ZNF28: variants seen among roughly 807,000 people sequenced by gnomAD.
ZNF28 encodes zinc finger protein 28.
Under a neutral mutation model 7.2 loss-of-function variants are expected in ZNF28, and 5 were observed. The observed-to-expected ratio is 0.70, with a 90% CI of 0.36 to 1.46. The LOEUF is 1.46. Ranked by LOEUF, ZNF28 falls within the 40% of genes most tolerant of loss-of-function variation. The pLI is 0.03. For synonymous variants in ZNF28, 288 were observed against 292.4 expected (o/e 0.99, Z 0.15); for missense variants, 879 against 866.6 (o/e 1.01, Z -0.18).
In ZNF28 at chr19:52,799,405, A is replaced by C; in HGVS notation, c.*283T>G. 2 of 648,428 alleles carry C rather than the reference A, an allele frequency of 3.1e-6. No individual in the cohort carries two copies. The highest frequency in any genetic ancestry group is 2.7e-6 in the Non-Finnish European group (1 of 367,624). 40.2% of individuals were successfully genotyped at this position (648,428 alleles called of 1,614,324 possible). ...TTATGTGTTTCAAGGTTTGATTTGC[A>C]ACCGAAAACTTTGTCACATTCTTCC... On this transcript the variant is annotated 3_prime_UTR_variant, in exon 4 of 4. Transcript: ENST00000457749.
At chr19:52,806,856 C>A (rs1483793019) in intron 3 of ZNF28, among the ~76,000 whole-genome samples, 1 of 151,960 alleles carries the variant, frequency 6.6e-6, no homozygotes, top group Non-Finnish European at 1.5e-5. Context: ...TAGCCAAGAT[C>A]GTACCAGTGC....
chr19:52,809,837 C>CGGTGGCGGT (rs1005891924), intron 2 of ZNF28: 169 of 554,008 alleles, frequency 3.1e-4, no homozygotes, highest in African/African-American at 9.3e-4. Flanking sequence ...GCGGCGGCGG[C>CGGTGGCGGT]GGTGGCGGTG....
At position 52,800,694 on chromosome 19, in the gene ZNF28, T is replaced by C; in HGVS notation, c.1151A>G (p.Glu384Gly). The C allele has an allele frequency of 6.2e-7, 1 of 1,613,940 alleles. No homozygotes were observed. Among genetic ancestry groups the C allele is most frequent in the Non-Finnish European group, 8.5e-7 (1 of 1,179,976 alleles). The change falls in exon 4 of 4, where the codon GAA becomes GGA. Residue 384 changes from glutamate (E) to glycine (G), a missense_variant. Glu to Gly is a moderately conservative substitution (Grantham distance 98, BLOSUM62 -2). Coordinates refer to ENST00000457749, the MANE Select transcript of ZNF28 (RefSeq NM_006969.5). The stretch of plus-strand genomic sequence containing the variant: ...GAAAACTTTTTCACATTCTTCACAT[T>C]CATAAGGTTTCTCTCCAGTATGAAG... ...RRLHTGEKPY[E>G]CEECEKVFSR...
intron 2 of ZNF28, among the ~76,000 whole-genome samples, chr19:52,811,101 C>T (rs1471518473): frequency 4.0e-5 from 6 of 149,656 alleles, no homozygotes; most frequent in Admixed American, 2.0e-4. Flanking sequence ...GCTGTGTTGG[C>T]TGGGCTGGTC....
intron 1 of ZNF28, among the ~76,000 whole-genome samples, chr19:52,818,941 A>G (rs2063161647): frequency 7.1e-6 from 1 of 141,480 alleles, no homozygotes; most frequent in Admixed American, 7.2e-5. Flanking sequence ...AGATAAGAAG[A>G]CTTGAGTAAT....
At position 52,800,853 on chromosome 19, in the gene ZNF28, A is replaced by G. The variant is rs774703613; in HGVS notation, c.992T>C (p.Val331Ala). 1.2e-6 allele frequency: 2 copies of G among 1,613,726 alleles called. No homozygotes were observed. The highest frequency in any genetic ancestry group is 1.3e-5 in the African/African-American group (1 of 74,834). Residue 331 changes from valine (V) to alanine (A), a missense_variant, in exon 4 of 4, where the codon GTT becomes GCT. Coordinates refer to ENST00000457749, the MANE Select transcript of ZNF28 (RefSeq NM_006969.5). The part of the protein sequence containing the change: ...YTGGKPYKCK[V>A]CDKAFTCNSY... ...ATTACATGTGAAAGCTTTGTCACAA[A>G]CCTTACATTTGTATGGTTTCCCTCC... is the stretch of plus-strand genomic sequence containing the variant.
At chr19:52,806,578 T>G (rs2062939594) in intron 3 of ZNF28, among the ~76,000 whole-genome samples, 1 of 127,006 alleles carries the variant, frequency 7.9e-6, no homozygotes, top group South Asian at 3.1e-4. Context: ...TGCCCAAATA[T>G]CTAAAGAACT....
chr19:52,811,391 C>T (rs2063035776), intron 2 of ZNF28, among the ~76,000 whole-genome samples: 1 of 146,484 alleles, frequency 6.8e-6, no homozygotes, highest in African/African-American at 2.7e-5. Context: ...CCTGGCTGCC[C>T]AGTCTGGAAA....
At position 52,799,019 on chromosome 19, in the gene ZNF28, T is replaced by C; in HGVS notation, c.*669A>G. The C allele has an allele frequency of 2.7e-6, 2 of 747,054 alleles. No individual in the cohort carries two copies. Among genetic ancestry groups the C allele is most frequent in the Middle Eastern group, 5.5e-4 (2 of 3,620 alleles). The allele number at this position is 747,054 out of a possible 1,614,324, so 46.3% of individuals were successfully genotyped here. ...AGCCTTGTTACAAACCTTACATTTG[T>C]ATGTTTTTTCTCCAGTATGAATTCT... is the stretch of plus-strand genomic sequence containing the variant. On this transcript the variant is annotated 3_prime_UTR_variant, in exon 4 of 4. Coordinates refer to ENST00000457749, the MANE Select transcript of ZNF28 (RefSeq NM_006969.5).
At chr19:52,809,951 C>G in intron 2 of ZNF28, 2 of 824,290 alleles carry the variant, frequency 2.4e-6, no homozygotes, top group South Asian at 1.4e-5. Flanking sequence ...CCCCGGGGGG[C>G]GCAGGGGACG....
In ZNF28 at chr19:52,815,688, G is replaced by T. The variant is rs962961470; in HGVS notation, c.15+2256C>A. Among the ~76,000 whole-genome samples the T allele has an allele frequency of 3.4e-5, 5 of 145,404 alleles. 1 individual carries two copies. Among genetic ancestry groups the T allele is most frequent in the African/African-American group, 1.3e-4 (5 of 37,120 alleles). On this transcript the variant is annotated intron_variant, in intron 2 of 3. Transcript: ENST00000457749. ...AAATACAAAAAAATTAGCTGGGTGT[G>T]GTGGCAGGTGCCTGTGGTCCCAGCT...
intron 2 of ZNF28, among the ~76,000 whole-genome samples, chr19:52,811,161 C>A (rs28584987): frequency 2.0e-5 from 3 of 150,536 alleles, no homozygotes; most frequent in Non-Finnish European, 4.5e-5. Context: ...CCCGAGGTGC[C>A]GGGATTGCAG....
intron 1 of ZNF28, among the ~76,000 whole-genome samples, chr19:52,820,053 C>G (rs1005893169): frequency 6.9e-6 from 1 of 143,924 alleles, no homozygotes; most frequent in Non-Finnish European, 1.5e-5. Context: ...GAAACCCTAT[C>G]TCTACTAGAA....
In ZNF28 at chr19:52,801,468, T is replaced by C. The variant is rs906629672; in HGVS notation, c.377A>G (p.His126Arg). Residue 126 changes from histidine to arginine, a missense_variant, in exon 4 of 4, where the codon CAT (histidine) becomes CGT (arginine). By Grantham distance (29) the His-to-Arg change is conservative (BLOSUM62 0). Around this residue, in one of 2 missense-constraint regions of ZNF28, gnomAD observed 864 missense variants for 830.2 expected, o/e 1.04. Transcript: ENST00000457749. ...CTTGTTTCCAGCATGCCTTTGATCA[T>C]GTTGGCCTGTACTACCAGTCAACTC... ...IKELTGSTGQ[H>R]DQRHAGNKHI... The C allele has an allele frequency of 1.9e-6, 3 of 1,614,102 alleles. No individual in the cohort carries two copies. The highest frequency in any genetic ancestry group is 1.3e-5 in the African/African-American group (1 of 74,956).
intron 3 of ZNF28, among the ~76,000 whole-genome samples, chr19:52,802,390 C>A (rs200630453): frequency 6.2e-5 from 8 of 128,052 alleles, no homozygotes; most frequent in South Asian, 2.6e-4. Context: ...AAACAAACAA[C>A]AAAAAAAGGC....
intron 2 of ZNF28, chr19:52,810,390 C>A: frequency 6.2e-7 from 1 of 1,604,962 alleles, no homozygotes; most frequent in Non-Finnish European, 8.5e-7. Flanking sequence ...TTCAGTCAAC[C>A]ACGTTACCAT....
chr19:52,810,621 T>C, intron 2 of ZNF28: 1 of 1,452,272 alleles, frequency 6.9e-7, no homozygotes, highest in Non-Finnish European at 9.7e-7. Flanking sequence ...GTTCCTGCTC[T>C]CCATTCTACA....
intron 1 of ZNF28, among the ~76,000 whole-genome samples, chr19:52,818,679 C>T (rs1019938219): frequency 6.6e-6 from 1 of 150,758 alleles, no homozygotes; most frequent in African/African-American, 2.4e-5. Flanking sequence ...TCCACTCCTG[C>T]CTGGGTGACA....
chr19:52,809,033 T>TG (rs1255688255), intron 2 of ZNF28, among the ~76,000 whole-genome samples: 1 of 152,178 alleles, frequency 6.6e-6, no homozygotes, highest in Non-Finnish European at 1.5e-5. Context: ...TGCATGTGTG[T>TG]GGGGATATAT....
Sources: allele counts gnomAD v4.1 joint callset (sites outside exome capture counted in the v4.1 genomes callset), GRCh38; gene constraint gnomAD v4.1.1; regional missense constraint gnomAD v4.1.1; transcripts MANE v1.5; gene names NCBI Gene and HGNC (gene_info 2026-07-23, HGNC 2026-07-21).